GPC6: variants seen among roughly 807,000 people sequenced by gnomAD.
The protein encoded by GPC6 is glypican 6.
A neutral mutation model predicts 55.2 loss-of-function variants in GPC6; 14 were observed. The observed-to-expected ratio is 0.25, with a 90% confidence interval of 0.17 to 0.40. The LOEUF (loss-of-function observed/expected upper bound fraction) is 0.40, where lower values mean the gene tolerates loss of function less well. Ranked by LOEUF, GPC6 falls within the 10% of genes least tolerant of loss-of-function variation. GPC6 has a pLI of 1.00. For synonymous variants in GPC6, 278 were observed against 259.6 expected, an observed-to-expected ratio of 1.07 and a Z score of -0.68; for missense variants, 641 against 708.5, an observed-to-expected ratio of 0.90 and a Z score of 1.08.
At chr13:93,219,811 T>G in the GPC6 span, among the ~76,000 whole-genome samples, 2 of 152,164 alleles carry the variant, frequency 1.3e-5, no homozygotes, top group African/African-American at 4.8e-5. Flanking sequence ...TTCTTGTTTT[T>G]TTTCTAATCA....
chr13:93,454,202 G>C (rs1878343867), intron 1 of GPC6, among the ~76,000 whole-genome samples: 1 of 149,502 alleles, frequency 6.7e-6, no homozygotes, highest in Non-Finnish European at 1.5e-5. Context: ...TAGATACAGA[G>C]TGCCAATTGG....
intron 2 of GPC6, among the ~76,000 whole-genome samples, chr13:93,624,874 A>G (rs1466816938): frequency 6.6e-6 from 1 of 152,250 alleles, no homozygotes; most frequent in African/African-American, 2.4e-5. Context: ...AGGAGTTTCA[A>G]GAGAGAAAAT....
At chr13:94,178,260 G>T (rs1888860186) in intron 4 of GPC6, among the ~76,000 whole-genome samples, 1 of 152,090 alleles carries the variant, frequency 6.6e-6, no homozygotes, top group South Asian at 2.1e-4. Flanking sequence ...GCCTCCCAAA[G>T]TGCTGGGATT....
At chr13:93,513,168 G>A (rs1056088276) in intron 1 of GPC6, among the ~76,000 whole-genome samples, 3 of 152,120 alleles carry the variant, frequency 2.0e-5, no homozygotes, top group Non-Finnish European at 4.4e-5. Flanking sequence ...TGGGAATCAA[G>A]CGGGAGTAAG....
intron 2 of GPC6, among the ~76,000 whole-genome samples, chr13:93,560,501 C>T (rs1875722726): frequency 1.3e-5 from 2 of 152,044 alleles, no homozygotes; most frequent in Non-Finnish European, 2.9e-5. Context: ...GCCTGGGCAA[C>T]AGAGTGAGAC....
chr13:93,661,223 T>G lies in GPC6; in HGVS notation c.319+115802T>G, dbSNP rs192217430. ...CCTTTTCTTTTTTATTTATTAGGAGTATTATTTTTTGAGAGAGCCTCACTC... is the reference window on the plus strand; with the variant it reads ...CCTTTTCTTTTTTATTTATTAGGAGGATTATTTTTTGAGAGAGCCTCACTC... On this transcript the variant is annotated intron_variant, in intron 2 of 8. Coordinates refer to ENST00000377047, the MANE Select transcript of GPC6 (RefSeq NM_005708.5). 1.3e-4 allele frequency among the ~76,000 whole-genome samples: 20 copies of G among 151,932 alleles called. No individual in the cohort carries two copies. The East Asian group carries it at 3.9e-3, about 29-fold the overall frequency.
At chr13:93,405,481 G>A (rs1876251240) in intron 1 of GPC6, among the ~76,000 whole-genome samples, 1 of 152,102 alleles carries the variant, frequency 6.6e-6, no homozygotes, top group African/African-American at 2.4e-5. Context: ...TGTTTGAAGT[G>A]GTAAAAAGTC....
At chr13:93,944,930 T>G (rs1878930267) in intron 3 of GPC6, among the ~76,000 whole-genome samples, 2 of 152,262 alleles carry the variant, frequency 1.3e-5, no homozygotes, top group Non-Finnish European at 2.9e-5. Flanking sequence ...GAGGGGATTT[T>G]CCTTTGACCA....
At chr13:93,808,349 A>C (rs191433394) in intron 2 of GPC6, among the ~76,000 whole-genome samples, 49 of 152,344 alleles carry the variant, frequency 3.2e-4, no homozygotes, top group African/African-American at 1.2e-3. Context: ...TAAAGACTCC[A>C]AGTGCTAATT....
At chr13:93,621,662 C>T (rs1878956407) in intron 2 of GPC6, among the ~76,000 whole-genome samples, 1 of 152,104 alleles carries the variant, frequency 6.6e-6, no homozygotes, top group South Asian at 2.1e-4. Flanking sequence ...GAAGTAAATA[C>T]TTTTATAACT....
intron 4 of GPC6, among the ~76,000 whole-genome samples, chr13:94,094,262 G>A (rs1447714875): frequency 6.6e-6 from 1 of 152,060 alleles, no homozygotes; most frequent in East Asian, 1.9e-4. Flanking sequence ...GAGAGCAATA[G>A]TGCTAGATAA....
At chr13:93,434,817 C>T (rs980329397) in intron 1 of GPC6, among the ~76,000 whole-genome samples, 1 of 152,122 alleles carries the variant, frequency 6.6e-6, no homozygotes, top group Non-Finnish European at 1.5e-5. Context: ...AACTATTCTC[C>T]TGCCTCCGCC....
intron 3 of GPC6, among the ~76,000 whole-genome samples, chr13:93,864,589 G>A (rs1342916594): frequency 1.3e-5 from 2 of 151,724 alleles, no homozygotes; most frequent in African/African-American, 2.4e-5. Context: ...TAACAGGGCA[G>A]TAATAAAAGC....
intron 1 of GPC6, among the ~76,000 whole-genome samples, chr13:93,254,193 G>A (rs1256596105): frequency 6.6e-6 from 1 of 152,098 alleles, no homozygotes; most frequent in Non-Finnish European, 1.5e-5. Flanking sequence ...AGGTGTGGTG[G>A]CATGTGCCTG....
At chr13:93,881,215 G>A (rs754666713) in intron 3 of GPC6, among the ~76,000 whole-genome samples, 69 of 152,004 alleles carry the variant, frequency 4.5e-4, no homozygotes, top group Non-Finnish European at 8.2e-4. Flanking sequence ...TTCCCTTTGG[G>A]TTTTCATTTC....
intron 1 of GPC6, among the ~76,000 whole-genome samples, chr13:93,504,239 A>G (rs76821791): frequency 0.014 from 2,154 of 152,264 alleles, 46 homozygotes; most frequent in African/African-American, 0.044. Context: ...TTATTTTGAT[A>G]TATGGTTTAA....
chr13:93,222,742 G>A (rs770218647), upstream of GPC6, among the ~76,000 whole-genome samples: 1 of 152,250 alleles, frequency 6.6e-6, no homozygotes, highest in South Asian at 2.1e-4. Flanking sequence ...TGGTGTATAG[G>A]TTAAGTTGCT....
At chr13:93,968,689 T>G (rs1176349735) in intron 3 of GPC6, among the ~76,000 whole-genome samples, 2 of 152,194 alleles carry the variant, frequency 1.3e-5, no homozygotes, top group African/African-American at 4.8e-5. Flanking sequence ...TAGGTTTCCT[T>G]AGACTGGCTG....
At chr13:94,233,241 G>T (rs1890785291) in intron 4 of GPC6, among the ~76,000 whole-genome samples, 2 of 151,850 alleles carry the variant, frequency 1.3e-5, no homozygotes. Context: ...ATTATGTAAA[G>T]CCCAGCTCTA....
Sources: allele counts gnomAD v4.1 joint callset (sites outside exome capture counted in the v4.1 genomes callset), GRCh38; gene constraint gnomAD v4.1.1; transcripts MANE v1.5; gene names NCBI Gene and HGNC (gene_info 2026-07-23, HGNC 2026-07-21).